Variants in ZNF557 observed in about 807,000 individuals in gnomAD.
ZNF557 encodes zinc finger protein 557, also known as CTB-25J19.9.
ZNF557 carries 19 observed loss-of-function variants against 21.2 expected under a neutral mutation model. That is an observed-to-expected ratio of 0.90 (90% confidence interval 0.63 to 1.32). The LOEUF (loss-of-function observed/expected upper bound fraction) is 1.32, where lower values mean the gene tolerates loss of function less well. ZNF557 is among the 40% of genes most tolerant of loss of function. ZNF557 has a pLI of 0.00. For missense variants in ZNF557, 487 were observed against 519.8 expected (o/e 0.94, Z 0.61); for synonymous variants, 207 against 194.8 (o/e 1.06, Z -0.52).
In ZNF557 at chr19:7,085,171, C is replaced by T. The variant is rs1599846477; in HGVS notation, c.*1427C>T. ...AGGAACCTAACTCAGTGTAAGATAACAATTTATACAATTTATTTTTTGAGA... is the reference window on the plus strand; with the variant it reads ...AGGAACCTAACTCAGTGTAAGATAATAATTTATACAATTTATTTTTTGAGA... On this transcript the variant is annotated 3_prime_UTR_variant, in exon 8 of 8. Coordinates refer to ENST00000252840, the MANE Select transcript of ZNF557 (RefSeq NM_024341.3). 1.3e-5 allele frequency: 2 copies of T among 152,084 alleles called. No homozygotes were observed. The highest frequency in any genetic ancestry group is 4.8e-5 in the African/African-American group (2 of 41,428). The allele number at this position is 152,084 out of a possible 1,614,324, so 9.4% of individuals were successfully genotyped here.
At chr19:7,080,210 A>G (rs1352318039) in intron 5 of ZNF557, among the ~76,000 whole-genome samples, 1 of 152,128 alleles carries the variant, frequency 6.6e-6, no homozygotes, top group African/African-American at 2.4e-5. Flanking sequence ...AGGCTGAGGC[A>G]GGAGAATTGC....
At chr19:7,074,926 CG>C (rs1172712373) in intron 2 of ZNF557, 69 bp from the exon 3 acceptor site, 103 of 1,092,556 alleles carry the variant, frequency 9.4e-5, no homozygotes, top group Admixed American at 1.7e-4. Context: ...GGGCAGGAGA[CG>C]GGGTGACCGA....
Position 7,085,487 on chromosome 19 carries a change from A to G in ZNF557, c.*1743A>G, listed in dbSNP as rs1977818441. On this transcript the variant is annotated 3_prime_UTR_variant, in exon 8 of 8. Transcript: ENST00000252840. ...CCAGAACTTCTTAAGATAAAGGATG[A>G]GGGAATGTTTTCAGTGATACCTCTT... 1 of 152,210 alleles carries G rather than the reference A, an allele frequency of 6.6e-6. No homozygotes were observed. The allele number at this position is 152,210 out of a possible 1,614,324, so 9.4% of individuals were successfully genotyped here.
At chr19:7,077,428 G>A (rs2914568) in intron 5 of ZNF557, among the ~76,000 whole-genome samples, 131,408 of 152,180 alleles carry the variant, frequency 0.86, 56,826 homozygotes, top group Middle Eastern at 0.89. Flanking sequence ...GAGCCACCAC[G>A]CCTGGCCGAT....
At chr19:7,075,630 C>G in intron 3 of ZNF557, 25 bp from the exon 4 acceptor site, 1 of 1,611,032 alleles carries the variant, frequency 6.2e-7, no homozygotes, top group Non-Finnish European at 8.5e-7. Flanking sequence ...GTGTGGATTC[C>G]TGGTACTCAT....
chr19:7,083,450 G>A lies in ZNF557; in HGVS notation c.999G>A (p.Ser333=), dbSNP rs771883528. 51 of 1,614,084 alleles carry A rather than the reference G, an allele frequency of 3.2e-5. No individual in the cohort carries two copies. Among genetic ancestry groups the A allele is most frequent in the African/African-American group, 5.3e-5 (4 of 75,020 alleles). Residue 333 remains serine (S), a synonymous_variant, in exon 8 of 8, where the codon TCG becomes TCA. Transcript: ENST00000252840. ...HDCGRTFRRR[S]NLTQHIRTHT... is the part of the protein sequence containing the mutation. ...GTGGGAGAACCTTCAGGAGGAGGTC[G>A]AATCTGACACAGCACATAAGAACTC... is the stretch of plus-strand genomic sequence containing the variant.
chr19:7,076,353 C>A, intron 4 of ZNF557, 28 bp from the exon 5 acceptor site: 1 of 1,614,112 alleles, frequency 6.2e-7, no homozygotes, highest in Non-Finnish European at 8.5e-7. Context: ...TGGTCCTTGG[C>A]TAAGCCGTGA....
rs1977422557 is a variant in ZNF557 at position 7,069,769 on chromosome 19, A to G, written c.-176A>G. On this transcript the variant is annotated 5_prime_UTR_variant, in exon 1 of 8. Coordinates refer to ENST00000252840, the MANE Select transcript of ZNF557 (RefSeq NM_024341.3). Reference sequence around the variant, plus strand: ...TTTCGGTCTCCGCGAGAGGTGCTTCATTCCGTGAGTCCGAGTCCAGAGAGG... The same window carrying G: ...TTTCGGTCTCCGCGAGAGGTGCTTCGTTCCGTGAGTCCGAGTCCAGAGAGG... The G allele has an allele frequency of 6.6e-6, 1 of 152,332 alleles. No homozygotes were observed. Among genetic ancestry groups the G allele is most frequent in the Admixed American group, 6.5e-5 (1 of 15,306 alleles). 9.4% of individuals were successfully genotyped at this position (152,332 alleles called of 1,614,324 possible).
chr19:7,079,432 A>T (rs62124465), intron 5 of ZNF557, among the ~76,000 whole-genome samples: 48,698 of 151,168 alleles, frequency 0.32, 9,165 homozygotes, highest in Non-Finnish European at 0.42. Context: ...TAGTAGAGAC[A>T]GGGTTCACCG....
chr19:7,076,168 C>T (rs911375865), intron 4 of ZNF557, among the ~76,000 whole-genome samples: 2 of 152,232 alleles, frequency 1.3e-5, no homozygotes, highest in Admixed American at 6.5e-5. Flanking sequence ...CGGTACTGTG[C>T]GCTGGACCTG....
Position 7,079,147 on chromosome 19 carries a change from C to T in ZNF557, c.248-2213C>T, listed in dbSNP as rs146092978. On this transcript the variant is annotated intron_variant, in intron 5 of 7. Coordinates refer to ENST00000252840, the MANE Select transcript of ZNF557 (RefSeq NM_024341.3). ...ATATTTGAAATAGTTGATTTGAAGT[C>T]GTTGCCTAATAAATCCAATGACTAG... Among the ~76,000 whole-genome samples, 1,139 of 151,768 alleles carry T rather than the reference C, an allele frequency of 7.5e-3. 8 individuals carry two copies. The highest frequency in any genetic ancestry group is 0.027 in the Middle Eastern group (8 of 294).
At position 7,081,904 on chromosome 19, in the gene ZNF557, A is replaced by G. The variant is rs994361413; in HGVS notation, c.344-66A>G. 1.1e-5 allele frequency: 14 copies of G among 1,253,094 alleles called. No individual in the cohort carries two copies. The East Asian group carries it at 1.4e-4, about 12-fold the overall frequency. 77.6% of individuals were successfully genotyped at this position (1,253,094 alleles called of 1,614,324 possible). A position where few individuals can be genotyped will look rare whatever the true frequency, so the allele number is the denominator to read the frequency against. ...CCTTCACTCACGTATGCATTTTACT[A>G]TTTCACCATCAACTTAAAATTTGCC... is the stretch of plus-strand genomic sequence containing the variant. On this transcript the variant is annotated intron_variant, in intron 6 of 7. Transcript: ENST00000252840.
intron 2 of ZNF557, among the ~76,000 whole-genome samples, chr19:7,071,134 G>A (rs568161809): frequency 6.6e-6 from 1 of 152,222 alleles, no homozygotes; most frequent in Non-Finnish European, 1.5e-5. Flanking sequence ...GATAATGTGT[G>A]TCAAAATAAG....
intron 5 of ZNF557, among the ~76,000 whole-genome samples, chr19:7,079,431 CA>C (rs1261288295): frequency 2.0e-4 from 21 of 105,116 alleles, no homozygotes; most frequent in Non-Finnish European, 4.5e-4. Context: ...TTAGTAGAGA[CA>C]GGGTTCACCG....
In ZNF557 at chr19:7,086,356, C is replaced by CTTTTTTTTT. The variant is rs57651395; in HGVS notation, c.*2627_*2635dup. On this transcript the variant is annotated 3_prime_UTR_variant, in exon 8 of 8. Coordinates refer to ENST00000252840, the MANE Select transcript of ZNF557 (RefSeq NM_024341.3). ...TGTCCTAATATAGCAAATACTGTTT[C>CTTTTTTTTT]TTTTTTTTTTTTTTTTTTTTTTTGA... 5 of 86,650 alleles carry CTTTTTTTTT rather than the reference C, an allele frequency of 5.8e-5. No individual in the cohort carries two copies. Among genetic ancestry groups the CTTTTTTTTT allele is most frequent in the Non-Finnish European group, 8.4e-5 (4 of 47,686 alleles). 5.4% of individuals were successfully genotyped at this position (86,650 alleles called of 1,614,324 possible). A position where few individuals can be genotyped will look rare whatever the true frequency, so the allele number is the denominator to read the frequency against.
chr19:7,077,693 T>G (rs745853985), intron 5 of ZNF557, among the ~76,000 whole-genome samples: 3 of 152,210 alleles, frequency 2.0e-5, no homozygotes, highest in African/African-American at 4.8e-5. Flanking sequence ...GGTAATTCTG[T>G]GTTTAATGTG....
chr19:7,071,216 C>T (rs556160165), intron 2 of ZNF557, among the ~76,000 whole-genome samples: 6 of 152,164 alleles, frequency 3.9e-5, no homozygotes, highest in East Asian at 1.9e-4. Context: ...TTTTTTCAAC[C>T]TTCCAAGACA....
rs1029930990 is a variant in ZNF557, at chr19:7,083,786, C to T, written c.*42C>T. On this transcript the variant is annotated 3_prime_UTR_variant, in exon 8 of 8. Transcript: ENST00000252840. The stretch of plus-strand genomic sequence containing the variant: ...AAAAGCATTCATTGATCTTTCATGC[C>T]TCAGATAACATGAGCAAACTCTAAC... 2.6e-6 allele frequency: 4 copies of T among 1,552,166 alleles called. No homozygotes were observed. In the African/African-American group the frequency reaches 4.1e-5, roughly 16 times the overall value.
At position 7,083,266 on chromosome 19, in the gene ZNF557, A is replaced by G; in HGVS notation, c.815A>G (p.Glu272Gly). Residue 272 changes from glutamate to glycine, a missense_variant, in exon 8 of 8, where the codon GAG (glutamate) becomes GGG (glycine). Physicochemically the swap from Glu to Gly is moderately conservative, Grantham distance 98 (BLOSUM62 -2). Transcript: ENST00000252840. ...KPYKCNQCFR[E>G]FRTQSIFTRH... is the part of the protein sequence containing the mutation. ...TACAAATGTAACCAGTGTTTTCGTG[A>G]GTTCCGCACTCAGTCAATCTTCACA... 6.2e-7 allele frequency: 1 copy of G among 1,614,212 alleles called. No homozygotes were observed. Among genetic ancestry groups the G allele is most frequent in the Non-Finnish European group, 8.5e-7 (1 of 1,180,036 alleles).
Sources: allele counts gnomAD v4.1 joint callset (sites outside exome capture counted in the v4.1 genomes callset), GRCh38; gene constraint gnomAD v4.1.1; transcripts MANE v1.5; gene names NCBI Gene and HGNC (gene_info 2026-07-23, HGNC 2026-07-21).